Variants in SASH1 observed in about 807,000 individuals in gnomAD.
SASH1 encodes the protein SAM and SH3 domain containing 1.
In SASH1, 44 loss-of-function variants were observed where a neutral mutation model predicts 125.2. The ratio of observed to expected loss-of-function variants is 0.35; its 90% CI spans 0.28 to 0.45. The LOEUF (loss-of-function observed/expected upper bound fraction) is 0.45. Ranked by LOEUF, SASH1 falls within the 20% of genes least tolerant of loss-of-function variation. The pLI is 1.00. For missense variants in SASH1, 1,426 were observed against 1,614.5 expected (o/e 0.88, Z 2.00); for synonymous variants, 639 against 649.1 (o/e 0.98, Z 0.24).
At chr6:148,446,088 C>CTTTTTTTTTTTTTTTTT (rs576798745) in intron 4 of SASH1, among the ~76,000 whole-genome samples, 1 of 71,002 alleles carries the variant, frequency 1.4e-5, no homozygotes, top group Non-Finnish European at 2.6e-5. Context: ...ACATAGGGTT[C>CTTTTTTTTTTTTTTTTT]TTTTTTTTTT....
In SASH1 at chr6:148,381,617, C is replaced by CTTTTTTTTTTTTTT. The variant is rs201145545; in HGVS notation, c.157-8504_157-8491dup. Among the ~76,000 whole-genome samples, 151 of 77,876 alleles carry CTTTTTTTTTTTTTT rather than the reference C, an allele frequency of 1.9e-3. 24 individuals carry two copies. Among genetic ancestry groups the CTTTTTTTTTTTTTT allele is most frequent in the South Asian group, 3.7e-3 (6 of 1,618 alleles). 51.1% of individuals were successfully genotyped at this position (77,876 alleles called of 152,430 possible). ...ACTCCATCAGTGCCTTTCTTGCTTT[C>CTTTTTTTTTTTTTT]TTTTTTTTTTTTTTTTTTTTTTTTT... On this transcript the variant is annotated intron_variant, in intron 1 of 19. Coordinates refer to ENST00000367467, the MANE Select transcript of SASH1 (RefSeq NM_015278.5).
the SASH1 span, among the ~76,000 whole-genome samples, chr6:148,257,219 C>T: frequency 3.9e-5 from 6 of 152,256 alleles, no homozygotes; most frequent in South Asian, 4.1e-4. Flanking sequence ...AGTCCAGTTC[C>T]GATCTTAAAC....
chr6:148,391,214 A>G lies in SASH1; in HGVS notation c.285+952A>G, dbSNP rs193156341. On this transcript the variant is annotated intron_variant, in intron 2 of 19. Transcript: ENST00000367467. Reference sequence around the variant, plus strand: ...AACTTCCACCTCCCAGGTTCAAGTGATTCTCCTGCCTCAGCCTCCCGAGTG... The same window carrying G: ...AACTTCCACCTCCCAGGTTCAAGTGGTTCTCCTGCCTCAGCCTCCCGAGTG... Among the ~76,000 whole-genome samples the G allele has an allele frequency of 6.2e-4, 94 of 151,378 alleles. 1 individual carries two copies. The highest frequency in any genetic ancestry group is 4.3e-4 in the Non-Finnish European group (29 of 67,932).
chr6:148,516,190 G>A (rs961377646), intron 9 of SASH1, among the ~76,000 whole-genome samples: 2 of 152,240 alleles, frequency 1.3e-5, no homozygotes, highest in Non-Finnish European at 2.9e-5. Flanking sequence ...AGGCTTCACA[G>A]ATGGAAGATG....
chr6:148,417,142 C>G (rs1048050645), intron 2 of SASH1, among the ~76,000 whole-genome samples: 1 of 152,162 alleles, frequency 6.6e-6, no homozygotes, highest in African/African-American at 2.4e-5. Context: ...GTTACCAGAA[C>G]AAGGCCTTGC....
intron 1 of SASH1, chr6:148,379,982 G>T (rs1023083322): frequency 8.8e-6 from 4 of 456,120 alleles, no homozygotes; most frequent in African/African-American, 8.0e-5. Context: ...CGGAACGTAG[G>T]TGCCACACAA....
the SASH1 span, among the ~76,000 whole-genome samples, chr6:148,213,647 C>A: frequency 1.3e-5 from 2 of 148,250 alleles, no homozygotes; most frequent in Non-Finnish European, 3.0e-5. Context: ...GACCTCTCTG[C>A]TCTTATAAAC....
chr6:148,209,767 G>A, the SASH1 span, among the ~76,000 whole-genome samples: 2 of 152,304 alleles, frequency 1.3e-5, no homozygotes, highest in South Asian at 2.1e-4. Flanking sequence ...AAGCTTGGCT[G>A]TTCCGGTTGC....
At chr6:148,427,130 C>A (rs1206683975) in intron 2 of SASH1, among the ~76,000 whole-genome samples, 2 of 152,022 alleles carry the variant, frequency 1.3e-5, no homozygotes, top group Non-Finnish European at 2.9e-5. Flanking sequence ...GCTTGGGCAA[C>A]AGAGTGAGAC....
At chr6:148,366,150 T>C (rs1782447799) in intron 1 of SASH1, among the ~76,000 whole-genome samples, 1 of 151,536 alleles carries the variant, frequency 6.6e-6, no homozygotes, top group Admixed American at 6.6e-5. Flanking sequence ...CCAGGCATGG[T>C]AGCGCTGCCT....
the SASH1 span, among the ~76,000 whole-genome samples, chr6:148,239,697 A>G: frequency 9.9e-6 from 1 of 100,956 alleles, no homozygotes; most frequent in African/African-American, 4.6e-5. Context: ...CATGACATAT[A>G]GATCGGCTTT....
chr6:148,234,067 T>C, the SASH1 span, among the ~76,000 whole-genome samples: 1 of 152,082 alleles, frequency 6.6e-6, no homozygotes, highest in Non-Finnish European at 1.5e-5. Flanking sequence ...AGACAGGGTC[T>C]CACTCTGTAG....
At chr6:148,338,426 CAA>C (rs5880773), upstream of SASH1, among the ~76,000 whole-genome samples, 7 of 133,040 alleles carry the variant, frequency 5.3e-5, no homozygotes, top group Admixed American at 1.5e-4. Context: ...GACTCCATCT[CAA>C]AAAAAAAAAA....
At chr6:148,216,340 T>C in the SASH1 span, among the ~76,000 whole-genome samples, 1 of 152,222 alleles carries the variant, frequency 6.6e-6, no homozygotes, top group Non-Finnish European at 1.5e-5. Context: ...GATTTCTTGC[T>C]TACTTGGCCT....
chr6:148,356,074 T>G lies in SASH1; in HGVS notation c.156+12851T>G, dbSNP rs796667549. 1.3e-3 allele frequency among the ~76,000 whole-genome samples: 198 copies of G among 150,880 alleles called. 2 individuals are homozygous for G. The highest frequency in any genetic ancestry group is 4.5e-3 in the African/African-American group (184 of 41,096). ...CAAAGTCCATTGTATCATTCTGTTTTTTTTTTTTTTTCTTTTCTTTTCTTT... is the reference window on the plus strand; with the variant it reads ...CAAAGTCCATTGTATCATTCTGTTTGTTTTTTTTTTTCTTTTCTTTTCTTT... On this transcript the variant is annotated intron_variant, in intron 1 of 19. Coordinates refer to ENST00000367467, the MANE Select transcript of SASH1 (RefSeq NM_015278.5).
At chr6:148,232,622 G>C in the SASH1 span, among the ~76,000 whole-genome samples, 1 of 152,198 alleles carries the variant, frequency 6.6e-6, no homozygotes, top group Non-Finnish European at 1.5e-5. Flanking sequence ...CAGAGCCTTA[G>C]ATGAGTAGAT....
intron 2 of SASH1, among the ~76,000 whole-genome samples, chr6:148,424,981 C>A (rs1394395159): frequency 6.6e-6 from 1 of 152,196 alleles, no homozygotes; most frequent in East Asian, 1.9e-4. Flanking sequence ...GCTGACAGGG[C>A]TTATTGGAAC....
intron 4 of SASH1, among the ~76,000 whole-genome samples, chr6:148,444,845 G>A (rs1264674614): frequency 6.6e-6 from 1 of 152,176 alleles, no homozygotes; most frequent in Non-Finnish European, 1.5e-5. Context: ...TACTCCATAG[G>A]CAGAGCAGTG....
intron 8 of SASH1, 125 bp downstream of exon 8, chr6:148,487,840 G>A: frequency 1.7e-6 from 1 of 581,920 alleles, no homozygotes. Flanking sequence ...AGAGGTGTCT[G>A]TTCATATAGA....
Sources: allele counts gnomAD v4.1 joint callset (sites outside exome capture counted in the v4.1 genomes callset), GRCh38; gene constraint gnomAD v4.1.1; transcripts MANE v1.5; gene names NCBI Gene and HGNC (gene_info 2026-07-23, HGNC 2026-07-21).